Variants in ROR1 observed in about 807,000 individuals in gnomAD.
The protein encoded by ROR1 is ROR family WNT receptor 1.
Under a neutral mutation model 78.8 loss-of-function variants are expected in ROR1, and 19 were observed. That is an observed-to-expected ratio of 0.24 (90% CI 0.17 to 0.35). The LOEUF (loss-of-function observed/expected upper bound fraction) is 0.35, where lower values mean the gene tolerates loss of function less well. Among genes scored for constraint, ROR1 ranks in the 10% least tolerant of loss-of-function variants. ROR1 has a pLI of 1.00. For synonymous variants in ROR1, 386 were observed against 433.6 expected (o/e 0.89, Z 1.36); for missense variants, 917 against 1,177.8 (o/e 0.78, Z 3.24).
At chr1:64,064,720 T>C (rs1149263) in intron 4 of ROR1, among the ~76,000 whole-genome samples, 96,771 of 152,012 alleles carry the variant, frequency 0.64, 33,237 homozygotes, top group East Asian at 0.91. Context: ...AACTGAGGCC[T>C]GGAGCAAAGG....
chr1:64,037,398 C>G (rs1646711062), intron 2 of ROR1, among the ~76,000 whole-genome samples: 1 of 152,204 alleles, frequency 6.6e-6, no homozygotes. Flanking sequence ...ACAGCTACAT[C>G]CATTGCAACT....
At chr1:63,790,062 A>G (rs908630035) in intron 1 of ROR1, among the ~76,000 whole-genome samples, 1 of 152,172 alleles carries the variant, frequency 6.6e-6, no homozygotes, top group African/African-American at 2.4e-5. Context: ...CCCTGACTCA[A>G]CAGGTGAGAT....
chr1:63,813,474 A>ATG (rs1302840581), intron 1 of ROR1, among the ~76,000 whole-genome samples: 1 of 152,210 alleles, frequency 6.6e-6, no homozygotes, highest in Non-Finnish European at 1.5e-5. Context: ...TTTTATGTGA[A>ATG]TGTGTGCCCT....
At chr1:63,979,085 A>G in intron 1 of ROR1, among the ~76,000 whole-genome samples, 1 of 152,172 alleles carries the variant, frequency 6.6e-6, no homozygotes, top group East Asian at 1.9e-4. Flanking sequence ...ATGGAGGGCA[A>G]TCTTTATTCA....
At chr1:63,835,746 A>G (rs555118471) in intron 1 of ROR1, among the ~76,000 whole-genome samples, 28 of 152,308 alleles carry the variant, frequency 1.8e-4, no homozygotes, top group African/African-American at 6.7e-4. Flanking sequence ...AGAGAATATG[A>G]TCTCATTGTT....
chr1:63,865,419 C>G (rs988551697), intron 1 of ROR1, among the ~76,000 whole-genome samples: 2 of 152,194 alleles, frequency 1.3e-5, no homozygotes, highest in Admixed American at 1.3e-4. Flanking sequence ...TCCTTATATA[C>G]TGCAACAAAC....
At chr1:64,021,203 G>A (rs1646562859) in intron 2 of ROR1, among the ~76,000 whole-genome samples, 1 of 152,302 alleles carries the variant, frequency 6.6e-6, no homozygotes, top group South Asian at 2.1e-4. Flanking sequence ...GACTATGGTT[G>A]TATAGAATTA....
intron 4 of ROR1, among the ~76,000 whole-genome samples, chr1:64,119,634 G>A (rs1188575950): frequency 2.3e-4 from 25 of 108,350 alleles, no homozygotes; most frequent in African/African-American, 7.2e-4. Flanking sequence ...GCGAGGCTCC[G>A]TCTCAAAAAA....
In ROR1 at chr1:64,181,084, CAAT is replaced by C. The variant is rs1402927535; in HGVS notation, c.*2230_*2232del. ...TGAAAAATATCTTTTCCTTTGTTGA[CAAT>C]GTTTTGTAAGATGACTTTATTTTCA... On this transcript the variant is annotated 3_prime_UTR_variant, in exon 9 of 9. Transcript: ENST00000371079. 6.6e-6 allele frequency: 1 copy of C among 151,848 alleles called. No individual in the cohort carries two copies. The highest frequency in any genetic ancestry group is 1.5e-5 in the Non-Finnish European group (1 of 67,928). 9.4% of individuals were successfully genotyped at this position (151,848 alleles called of 1,614,324 possible). A position where few individuals can be genotyped will look rare whatever the true frequency, so the allele number is the denominator to read the frequency against.
chr1:64,043,348 C>G (rs1217960704), intron 2 of ROR1, among the ~76,000 whole-genome samples: 1 of 152,164 alleles, frequency 6.6e-6, no homozygotes, highest in Non-Finnish European at 1.5e-5. Context: ...TATTAAATGC[C>G]TATGAAGTTC....
chr1:63,900,067 T>C (rs1252854880), intron 1 of ROR1, among the ~76,000 whole-genome samples: 2 of 152,070 alleles, frequency 1.3e-5, no homozygotes, highest in African/African-American at 2.4e-5. Flanking sequence ...GTAAGACAAG[T>C]CTGTTTACTT....
At position 64,158,985 on chromosome 1, in the gene ROR1, A is replaced by G. The variant is rs1268477614; in HGVS notation, c.1179A>G (p.Ser393=). 2 of 1,613,578 alleles carry G rather than the reference A, an allele frequency of 1.2e-6. No homozygotes were observed. The highest frequency in any genetic ancestry group is 1.1e-5 in the South Asian group (1 of 91,050). Residue 393 remains serine (S), a synonymous_variant, in exon 8 of 9, where the codon TCA becomes TCG. Coordinates refer to ENST00000371079, the MANE Select transcript of ROR1 (RefSeq NM_005012.4). ...CTTTTTCATTTCTGCACCCAGATTC[A>G]AAGGATTCCAAGGAGAAGAATAAAA... The part of the protein sequence containing the change: ...SDLCDIPACD[S]KDSKEKNKME...
chr1:63,805,853 A>C (rs964717831), intron 1 of ROR1, among the ~76,000 whole-genome samples: 3 of 152,156 alleles, frequency 2.0e-5, no homozygotes, highest in Non-Finnish European at 4.4e-5. Flanking sequence ...CTGTCTCTAT[A>C]AAATATATTT....
At chr1:64,011,492 A>T (rs1211170867) in intron 2 of ROR1, among the ~76,000 whole-genome samples, 3 of 152,192 alleles carry the variant, frequency 2.0e-5, no homozygotes, top group Admixed American at 6.5e-5. Context: ...AAAAGCATCA[A>T]TGTGTGCTAA....
In ROR1 at chr1:64,141,528, C is replaced by T. The variant is rs114255976; in HGVS notation, c.929-877C>T. Among the ~76,000 whole-genome samples, 959 of 152,236 alleles carry T rather than the reference C, an allele frequency of 6.3e-3. 14 individuals are homozygous for T. The highest frequency in any genetic ancestry group is 0.022 in the African/African-American group (924 of 41,536). On this transcript the variant is annotated intron_variant, in intron 6 of 8. Coordinates refer to ENST00000371079, the MANE Select transcript of ROR1 (RefSeq NM_005012.4). ...TCCAACCCTGGGGATTGCAATTCAA[C>T]ATGAGATTTGGTGGGGACACAGACC... is the stretch of plus-strand genomic sequence containing the variant.
chr1:64,081,707 G>C (rs1647102904), intron 4 of ROR1, among the ~76,000 whole-genome samples: 1 of 146,984 alleles, frequency 6.8e-6, no homozygotes, highest in Admixed American at 6.8e-5. Flanking sequence ...GGAGATCGAG[G>C]CTGCAGTGAG....
chr1:63,882,692 G>A (rs930972151), intron 1 of ROR1, among the ~76,000 whole-genome samples: 1 of 152,200 alleles, frequency 6.6e-6, no homozygotes, highest in African/African-American at 2.4e-5. Context: ...AATGTCACCA[G>A]TCTACAATGT....
chr1:63,963,740 A>G (rs973295312), intron 1 of ROR1, among the ~76,000 whole-genome samples: 2 of 152,066 alleles, frequency 1.3e-5, no homozygotes, highest in Admixed American at 6.6e-5. Flanking sequence ...AGAAGATCCA[A>G]GTAGAAGTGT....
chr1:63,788,763 C>T, intron 1 of ROR1: 1 of 508,896 alleles, frequency 2.0e-6, no homozygotes, highest in African/African-American at 2.0e-5. Flanking sequence ...TGATTTCCTC[C>T]TTCTTGACCT....
Sources: allele counts gnomAD v4.1 joint callset (sites outside exome capture counted in the v4.1 genomes callset), GRCh38; gene constraint gnomAD v4.1.1; transcripts MANE v1.5; gene names NCBI Gene and HGNC (gene_info 2026-07-23, HGNC 2026-07-21).